BRI3: variants seen among roughly 807,000 people sequenced by gnomAD.
The protein encoded by BRI3 is membrane protein BRI3.
In BRI3, 6 loss-of-function variants were observed where a neutral mutation model predicts 12.8. The observed-to-expected ratio is 0.47, with a 90% CI of 0.26 to 0.93. The LOEUF is 0.93. Among genes scored for constraint, BRI3 ranks in the 40% least tolerant of loss-of-function variants. BRI3 has a pLI of 0.15. For synonymous variants in BRI3, 91 were observed against 76.1 expected, an observed-to-expected ratio of 1.20 and a Z score of -1.02; for missense variants, 134 against 171.1, an observed-to-expected ratio of 0.78 and a Z score of 1.21.
chr7:98,307,861 A>C (rs1800719473), exon 2 of BRI3: 1 of 1,614,116 alleles, frequency 6.2e-7, no homozygotes, highest in Non-Finnish European at 8.5e-7. Flanking sequence ...GTTGCAACCG[A>C]AACTGATCGC....
At chr7:98,315,243 T>A (rs979096500), downstream of BRI3, among the ~76,000 whole-genome samples, 4 of 151,970 alleles carry the variant, frequency 2.6e-5, no homozygotes, top group African/African-American at 9.7e-5. Flanking sequence ...CACCTCAGCC[T>A]CCTGAGTAGC....
At chr7:98,310,616 C>T (rs774657684), downstream of BRI3, 1 of 1,541,886 alleles carries the variant, frequency 6.5e-7, no homozygotes, top group South Asian at 1.2e-5. Context: ...TTTATTAGTC[C>T]AATATTAGTA....
rs545805485 is a variant in BRI3, at chr7:98,282,244, C to G, written c.143-107C>G. On this transcript the variant is annotated intron_variant, in intron 1 of 2. Coordinates refer to ENST00000297290, the MANE Select transcript of BRI3 (RefSeq NM_015379.5). ...TGGCCGTCCCGAGGGTGGAAAAGAC[C>G]GGGGGCTTTTTTAGCGGGGTGGAGG... 35 of 1,031,848 alleles carry G rather than the reference C, an allele frequency of 3.4e-5. No homozygotes were observed. In the African/African-American group the frequency reaches 4.6e-4, roughly 14 times the overall value. The allele number at this position is 1,031,848 out of a possible 1,614,324, so 63.9% of individuals were successfully genotyped here. A position where few individuals can be genotyped will look rare whatever the true frequency, so the allele number is the denominator to read the frequency against.
chr7:98,307,840 T>C (rs375720056), exon 2 of BRI3: 11 of 1,614,252 alleles, frequency 6.8e-6, no homozygotes, highest in Admixed American at 1.7e-5. Context: ...TTCTTCATCA[T>C]GTTCAGTCCC....
chr7:98,316,036 G>A, the BRI3 span, among the ~76,000 whole-genome samples: 1 of 152,162 alleles, frequency 6.6e-6, no homozygotes, highest in African/African-American at 2.4e-5. Flanking sequence ...ATTCCTATGT[G>A]TTTGGGGAGG....
At chr7:98,315,355 C>T, downstream of BRI3, 1 of 1,158,152 alleles carries the variant, frequency 8.6e-7, no homozygotes, top group African/African-American at 1.6e-5. Context: ...CTCAGCCTCC[C>T]AAAGTGCTGG....
chr7:98,318,198 G>A, the BRI3 span, among the ~76,000 whole-genome samples: 670 of 152,296 alleles, frequency 4.4e-3, 6 homozygotes, highest in African/African-American at 0.015. Context: ...AGGAGCCCCC[G>A]ACCAGAAGCC....
At chr7:98,284,864 C>CTGCCCTGCCT (rs1200994944) in intron 2 of BRI3, among the ~76,000 whole-genome samples, 8 of 152,318 alleles carry the variant, frequency 5.3e-5, no homozygotes, top group Admixed American at 2.0e-4. Context: ...CTGCCCTGCC[C>CTGCCCTGCCT]TGCCCTGCCT....
downstream of BRI3, chr7:98,292,137 C>T (rs74337774): frequency 0.019 from 2,997 of 155,650 alleles, 103 homozygotes; most frequent in African/African-American, 0.069. Flanking sequence ...GCATCGGCCA[C>T]GTCCACTGGC....
At chr7:98,310,401 A>C in exon 2 of BRI3, 1 of 1,552,126 alleles carries the variant, frequency 6.4e-7, no homozygotes, top group Non-Finnish European at 8.7e-7. Flanking sequence ...ATCTTAAAAC[A>C]AATGTAAAAG....
chr7:98,286,617 C>T (rs1799719192), intron 2 of BRI3, among the ~76,000 whole-genome samples: 1 of 152,190 alleles, frequency 6.6e-6, no homozygotes, highest in Non-Finnish European at 1.5e-5. Flanking sequence ...AGGGGTTCCC[C>T]TTCTGCCCTC....
downstream of BRI3, among the ~76,000 whole-genome samples, chr7:98,297,715 G>C (rs1465362235): frequency 6.6e-6 from 1 of 152,184 alleles, no homozygotes; most frequent in African/African-American, 2.4e-5. Flanking sequence ...CCGAGCCACT[G>C]GGATCTTTTT....
rs1313960559 is a variant in BRI3, at chr7:98,291,141, C to T, written c.276C>T (p.Phe92=). 3 of 1,614,230 alleles carry T rather than the reference C, an allele frequency of 1.9e-6. No homozygotes were observed. Among genetic ancestry groups the T allele is most frequent in the Non-Finnish European group, 2.5e-6 (3 of 1,180,048 alleles). The change falls in exon 3 of 3, where the codon TTC becomes TTT. Residue 92 remains phenylalanine (F), a synonymous_variant. Transcript: ENST00000297290. The stretch of plus-strand genomic sequence containing the variant: ...GGGTGCTGGAGGACTGCTTCACCTT[C>T]CTGGGCATCTTCCTGGCCATCATCC... ...RVGVLEDCFT[F]LGIFLAIILF... is the part of the protein sequence containing the mutation.
At chr7:98,314,814 T>C (rs1207075755), downstream of BRI3, among the ~76,000 whole-genome samples, 2 of 152,138 alleles carry the variant, frequency 1.3e-5, no homozygotes, top group African/African-American at 4.8e-5. Flanking sequence ...GCAGCCATGG[T>C]GAAGACACTG....
downstream of BRI3, among the ~76,000 whole-genome samples, chr7:98,297,049 C>T (rs11976231): frequency 8.3e-3 from 1,267 of 152,350 alleles, 16 homozygotes; most frequent in African/African-American, 0.029. Context: ...TGCTGCATGT[C>T]CTGTGTCCCC....
chr7:98,293,975 G>T, downstream of BRI3: 4 of 1,387,410 alleles, frequency 2.9e-6, no homozygotes, highest in Non-Finnish European at 4.1e-6. Context: ...GCCTTTCTCA[G>T]GCTGGACCCC....
At chr7:98,292,940 A>G, downstream of BRI3, 3 of 1,277,142 alleles carry the variant, frequency 2.3e-6, no homozygotes, top group Non-Finnish European at 3.0e-6. Flanking sequence ...AGCACTCTAC[A>G]GCTCTGGCGT....
upstream of BRI3, among the ~76,000 whole-genome samples, chr7:98,305,143 G>A (rs1419891075): frequency 1.4e-5 from 2 of 141,882 alleles, no homozygotes; most frequent in East Asian, 2.1e-4. Context: ...TGCCCGCCTC[G>A]GCCTCCCAAA....
chr7:98,312,719 CAG>C (rs1033792399), downstream of BRI3, among the ~76,000 whole-genome samples: 1 of 150,442 alleles, frequency 6.6e-6, no homozygotes, highest in African/African-American at 2.5e-5. Flanking sequence ...AGAAGTGAAT[CAG>C]ACACTGTCCT....
Sources: allele counts gnomAD v4.1 joint callset (sites outside exome capture counted in the v4.1 genomes callset), GRCh38; gene constraint gnomAD v4.1.1; transcripts MANE v1.5; gene names NCBI Gene and HGNC (gene_info 2026-07-23, HGNC 2026-07-21).